The following TNR variants were observed in gnomAD, a reference collection of about 807,000 sequenced individuals.
The protein encoded by TNR is tenascin-R.
In TNR, 45 loss-of-function variants were observed where a neutral mutation model predicts 150.4. That is an observed-to-expected ratio of 0.30 (90% CI 0.24 to 0.38). The LOEUF (loss-of-function observed/expected upper bound fraction) is 0.38. TNR is among the 10% of genes least tolerant of loss of function. The pLI is 1.00. For synonymous variants in TNR, 687 were observed against 678.4 expected (o/e 1.01, Z -0.20); for missense variants, 1,544 against 1,759.1 (o/e 0.88, Z 2.19).
chr1:175,610,401 TTAGC>T (rs1398195155), intron 1 of TNR, among the ~76,000 whole-genome samples: 1 of 152,250 alleles, frequency 6.6e-6, no homozygotes, highest in African/African-American at 2.4e-5. Flanking sequence ...TCATGAAGGA[TTAGC>T]TAAACAGCTC....
intron 3 of TNR, 98 bp downstream of exon 3, chr1:175,406,118 T>G: frequency 6.7e-7 from 1 of 1,489,802 alleles, no homozygotes; most frequent in South Asian, 1.4e-5. Flanking sequence ...GGAGTGCGTT[T>G]TCGCTGGAAG....
At chr1:175,391,804 C>T (rs778763916) in intron 6 of TNR, among the ~76,000 whole-genome samples, 2 of 152,206 alleles carry the variant, frequency 1.3e-5, no homozygotes, top group Non-Finnish European at 2.9e-5. Context: ...AGGTTTTTGG[C>T]ATTTATCGTA....
At chr1:175,511,217 A>G (rs1659160470) in intron 2 of TNR, among the ~76,000 whole-genome samples, 1 of 152,226 alleles carries the variant, frequency 6.6e-6, no homozygotes, top group African/African-American at 2.4e-5. Flanking sequence ...CTCTGCTGCA[A>G]TTGAAACAAC....
At position 175,503,082 on chromosome 1, in the gene TNR, C is replaced by T. The variant is rs859386; in HGVS notation, c.-64+25187G>A. Among the ~76,000 whole-genome samples, 270 of 151,710 alleles carry T rather than the reference C, an allele frequency of 1.8e-3. 3 individuals carry two copies. Among genetic ancestry groups the T allele is most frequent in the African/African-American group, 6.3e-3 (257 of 41,000 alleles). On this transcript the variant is annotated intron_variant, in intron 2 of 22. Coordinates refer to ENST00000367674, the MANE Select transcript of TNR (RefSeq NM_003285.3). Reference sequence around the variant, plus strand: ...AATTAGAGAAAATAGGATGCCCCGCCGCAGTGGCGCATGAGTGGACACAGG... The same window carrying T: ...AATTAGAGAAAATAGGATGCCCCGCTGCAGTGGCGCATGAGTGGACACAGG...
intron 1 of TNR, among the ~76,000 whole-genome samples, chr1:175,671,051 G>A (rs546690565): frequency 6.6e-6 from 1 of 152,232 alleles, no homozygotes; most frequent in African/African-American, 2.4e-5. Context: ...GGAGAGAGGA[G>A]GACAGGATGG....
At chr1:175,670,817 A>G (rs1431171495) in intron 1 of TNR, among the ~76,000 whole-genome samples, 3 of 150,412 alleles carry the variant, frequency 2.0e-5, no homozygotes, top group Non-Finnish European at 3.0e-5. Context: ...TCAAATTATC[A>G]AACGCTTATA....
At chr1:175,455,775 C>A (rs543040825) in intron 2 of TNR, among the ~76,000 whole-genome samples, 1 of 152,328 alleles carries the variant, frequency 6.6e-6, no homozygotes, top group East Asian at 1.9e-4. Flanking sequence ...CCCACCTGGG[C>A]TCCTTGTCAG....
At chr1:175,347,466 T>C (rs936632570) in intron 18 of TNR, among the ~76,000 whole-genome samples, 5 of 152,134 alleles carry the variant, frequency 3.3e-5, no homozygotes, top group Non-Finnish European at 5.9e-5. Context: ...CTTGCTCTGT[T>C]GCTCAGGTTG....
intron 1 of TNR, among the ~76,000 whole-genome samples, chr1:175,624,910 A>G (rs1449081605): frequency 4.6e-5 from 7 of 152,178 alleles, no homozygotes; most frequent in Non-Finnish European, 1.0e-4. Flanking sequence ...TTCAGTACTA[A>G]GGGAAGACCA....
intron 18 of TNR, among the ~76,000 whole-genome samples, chr1:175,352,500 C>T (rs2236886): frequency 0.048 from 7,276 of 152,172 alleles, 249 homozygotes; most frequent in Middle Eastern, 0.19. Flanking sequence ...GACCATGGAG[C>T]CCTCTTTAAT....
intron 1 of TNR, chr1:175,538,657 T>G (rs1194999226): frequency 5.9e-5 from 9 of 152,282 alleles, no homozygotes; most frequent in African/African-American, 2.2e-4. Context: ...GAGGTGGACT[T>G]CCACCTCTGG....
intron 1 of TNR, among the ~76,000 whole-genome samples, chr1:175,628,298 C>G (rs1050788129): frequency 2.0e-5 from 3 of 152,048 alleles, no homozygotes; most frequent in African/African-American, 7.3e-5. Flanking sequence ...GTTCCTAGAG[C>G]CTTTTTAGGA....
At chr1:175,359,139 C>CTTTTTTTGTTTTTTTTTTTTTTTTTT (rs1651468636) in intron 15 of TNR, among the ~76,000 whole-genome samples, 1 of 42,138 alleles carries the variant, frequency 2.4e-5, no homozygotes, top group Non-Finnish European at 4.3e-5. Flanking sequence ...GGGATATCTT[C>CTTTTTTTGTTTTTTTTTTTTTTTTTT]TTTTTTTTTT....
At chr1:175,629,343 C>T (rs1664254581) in intron 1 of TNR, among the ~76,000 whole-genome samples, 1 of 152,188 alleles carries the variant, frequency 6.6e-6, no homozygotes, top group African/African-American at 2.4e-5. Context: ...ATCATAGCCT[C>T]ATACTAGGCT....
chr1:175,608,686 C>T (rs1663490633), intron 1 of TNR, among the ~76,000 whole-genome samples: 2 of 152,148 alleles, frequency 1.3e-5, no homozygotes, highest in Non-Finnish European at 2.9e-5. Context: ...AAAGCAGCAA[C>T]ACTTAACAGA....
chr1:175,572,235 A>G (rs757273709), intron 1 of TNR, among the ~76,000 whole-genome samples: 3 of 152,162 alleles, frequency 2.0e-5, no homozygotes, highest in Non-Finnish European at 4.4e-5. Flanking sequence ...AGCCACTGCC[A>G]TTTCATTCAT....
intron 1 of TNR, among the ~76,000 whole-genome samples, chr1:175,696,232 T>TG (rs1558077902): frequency 4.0e-5 from 5 of 126,116 alleles, no homozygotes; most frequent in African/African-American, 1.0e-4. Context: ...TTTTTTTTTT[T>TG]TTTTTTTTTT....
intron 1 of TNR, among the ~76,000 whole-genome samples, chr1:175,665,630 T>C (rs866615013): frequency 1.3e-5 from 2 of 152,216 alleles, no homozygotes; most frequent in Admixed American, 6.5e-5. Context: ...ATTCTACTGA[T>C]GAAAAGGAAA....
At chr1:175,428,459 C>G (rs1276525956) in intron 2 of TNR, among the ~76,000 whole-genome samples, 6 of 152,064 alleles carry the variant, frequency 3.9e-5, no homozygotes, top group Non-Finnish European at 8.8e-5. Flanking sequence ...TTTACATAAG[C>G]CTTCAAAATT....
Sources: allele counts gnomAD v4.1 joint callset (sites outside exome capture counted in the v4.1 genomes callset), GRCh38; gene constraint gnomAD v4.1.1; transcripts MANE v1.5; gene names NCBI Gene and HGNC (gene_info 2026-07-23, HGNC 2026-07-21).